DNAJC2: variants seen among roughly 807,000 people sequenced by gnomAD.
The protein encoded by DNAJC2 is dnaJ homolog subfamily C member 2.
Under a neutral mutation model 94.0 loss-of-function variants are expected in DNAJC2, and 32 were observed. The observed-to-expected ratio is 0.34, with a 90% CI of 0.26 to 0.46. DNAJC2 has a LOEUF of 0.46. Among genes scored for constraint, DNAJC2 ranks in the 20% least tolerant of loss-of-function variants. DNAJC2 has a pLI of 1.00. For missense variants in DNAJC2, 550 were observed against 719.5 expected, an observed-to-expected ratio of 0.76 and a Z score of 2.69; for synonymous variants, 210 against 229.7, an observed-to-expected ratio of 0.91 and a Z score of 0.77.
chr7:103,323,732 G>A, intron 6 of DNAJC2, 69 bp from the exon 7 acceptor site: 1 of 1,167,402 alleles, frequency 8.6e-7, no homozygotes, highest in Non-Finnish European at 1.1e-6. Context: ...TAATGCAAGT[G>A]AATGAATTTG....
In DNAJC2 at chr7:103,313,515, A is replaced by T. The variant is rs938841589; in HGVS notation, c.1637-414T>A. ...AGAATAGGTAAAAGAGCTTCCTCAC[A>T]GTTAAACTTTTGCTGGATAGAAACC... On this transcript the variant is annotated intron_variant, in intron 15 of 16. Coordinates refer to ENST00000379263, the MANE Select transcript of DNAJC2 (RefSeq NM_014377.3). The T allele has an allele frequency of 1.4e-5, 14 of 984,510 alleles. No homozygotes were observed. In the African/African-American group the frequency reaches 2.4e-4, roughly 17 times the overall value. 61.0% of individuals were successfully genotyped at this position (984,510 alleles called of 1,614,324 possible).
At chr7:103,330,927 A>G (rs1412319589) in intron 3 of DNAJC2, among the ~76,000 whole-genome samples, 1 of 151,324 alleles carries the variant, frequency 6.6e-6, no homozygotes, top group Non-Finnish European at 1.5e-5. Context: ...TATGGGGTGC[A>G]TGTGATTATT....
chr7:103,338,729 G>A (rs1377107590), intron 2 of DNAJC2, among the ~76,000 whole-genome samples: 1 of 150,834 alleles, frequency 6.6e-6, no homozygotes, highest in East Asian at 2.0e-4. Context: ...GGCTAACATG[G>A]TGAAACCCTG....
At chr7:103,313,988 G>T in intron 15 of DNAJC2, 1 of 985,292 alleles carries the variant, frequency 1.0e-6, no homozygotes, top group Non-Finnish European at 1.2e-6. Context: ...TAAAAGTTAA[G>T]CCTAGAAACC....
intron 13 of DNAJC2, 123 bp from the exon 14 acceptor site, chr7:103,316,211 G>C (rs553499497): frequency 1.7e-5 from 9 of 518,608 alleles, no homozygotes; most frequent in African/African-American, 9.8e-5. Flanking sequence ...TCAGATTGGT[G>C]GTCTAATTAT....
intron 5 of DNAJC2, 113 bp downstream of exon 5, chr7:103,326,429 CA>C (rs1818710650): frequency 4.8e-6 from 5 of 1,038,636 alleles, no homozygotes; most frequent in Admixed American, 2.3e-5. Context: ...GAGGAAGAGA[CA>C]GTGGAAATAA....
chr7:103,314,104 G>A (rs1817911546), intron 15 of DNAJC2: 2 of 985,342 alleles, frequency 2.0e-6, no homozygotes, highest in Non-Finnish European at 2.4e-6. Flanking sequence ...TGGTACCTAA[G>A]GTGCCTAAGA....
intron 1 of DNAJC2, 106 bp from the exon 2 acceptor site, chr7:103,342,060 A>C (rs1819392172): frequency 1.2e-6 from 1 of 841,768 alleles, no homozygotes; most frequent in African/African-American, 1.7e-5. Context: ...TGATACCAGC[A>C]TATACTTTTA....
At chr7:103,340,184 C>A (rs913628707) in intron 2 of DNAJC2, among the ~76,000 whole-genome samples, 3 of 152,102 alleles carry the variant, frequency 2.0e-5, no homozygotes, top group African/African-American at 7.3e-5. Flanking sequence ...GAATACGCTG[C>A]CTGATGTTTA....
In DNAJC2 at chr7:103,341,998, A is replaced by G. The variant is rs1819390810; in HGVS notation, c.65-44T>C. ...AGAGAGGCTTCAGTGTATCGCATGG[A>G]ATAAATATGTTTCAAGGCAATTAAT... On this transcript the variant is annotated intron_variant, in intron 1 of 16. Transcript: ENST00000379263. 3 of 1,383,040 alleles carry G rather than the reference A, an allele frequency of 2.2e-6. No individual in the cohort carries two copies. The South Asian group carries it at 5.2e-5, about 24-fold the overall frequency. 85.7% of individuals were successfully genotyped at this position (1,383,040 alleles called of 1,614,324 possible). A position where few individuals can be genotyped will look rare whatever the true frequency, so the allele number is the denominator to read the frequency against.
Position 103,317,011 on chromosome 7 carries a change from C to A in DNAJC2, c.1246G>T (p.Glu416Ter). The change falls in exon 13 of 17, where the codon GAA becomes TAA. Residue 416 changes from glutamate to a stop codon, truncating the protein, a stop_gained. Coordinates refer to ENST00000379263, the MANE Select transcript of DNAJC2 (RefSeq NM_014377.3). LOFTEE classifies it high-confidence loss of function. ...VGKAALEKQIEEINEQIRKEK... is the reference protein window; with the variant it reads ...VGKAALEKQI ...TTTCTGATTTGCTCATTTATTTCTT[C>A]TATCTGCACAAATATCATAAGTCAG... 1 of 1,612,390 alleles carries A rather than the reference C, an allele frequency of 6.2e-7. No individual in the cohort carries two copies. Among genetic ancestry groups the A allele is most frequent in the Non-Finnish European group, 8.5e-7 (1 of 1,179,544 alleles).
Position 103,323,618 on chromosome 7 carries a change from TTCTTCA to T in DNAJC2, c.693_698del (p.Asp231_Glu232del). The T allele has an allele frequency of 6.8e-7, 1 of 1,466,654 alleles. No individual in the cohort carries two copies. Among genetic ancestry groups the T allele is most frequent in the Non-Finnish European group, 9.3e-7 (1 of 1,078,700 alleles). 90.9% of individuals were successfully genotyped at this position (1,466,654 alleles called of 1,614,324 possible). On this transcript the variant is annotated inframe_deletion, in exon 7 of 17. Transcript: ENST00000379263. Reference sequence around the variant, plus strand: ...CATACCATTCTGCTTTTTCTTTTTCTTCTTCATCTAAATAAGAAAATTCTCTCCAAG... The same window carrying T: ...CATACCATTCTGCTTTTTCTTTTTCTTCTAAATAAGAAAATTCTCTCCAAG...
chr7:103,315,396 CTG>C (rs1455275980), intron 15 of DNAJC2, among the ~76,000 whole-genome samples: 1 of 152,120 alleles, frequency 6.6e-6, no homozygotes, highest in Non-Finnish European at 1.5e-5. Context: ...CTTAACACTT[CTG>C]TGTTTTTCCT....
In DNAJC2 at chr7:103,316,006, T is replaced by C. The variant is rs1818031774; in HGVS notation, c.1510A>G (p.Lys504Glu). Residue 504 changes from lysine to glutamate, a missense_variant, in exon 14 of 17, where the codon AAG (lysine) becomes GAG (glutamate). By Grantham distance (56) the Lys-to-Glu change is moderately conservative. Coordinates refer to ENST00000379263, the MANE Select transcript of DNAJC2 (RefSeq NM_014377.3). ...RTAKDVIGKA[K>E]SLQKLDPHQK... is the part of the protein sequence containing the mutation. The stretch of plus-strand genomic sequence containing the variant: ...AACTCACCAAGTTTTTGGAGACTCT[T>C]TGCTTTGCCAATAACATCTTTGGCA... The C allele has an allele frequency of 1.3e-6, 2 of 1,598,492 alleles. No homozygotes were observed. Among genetic ancestry groups the C allele is most frequent in the African/African-American group, 1.3e-5 (1 of 74,112 alleles).
rs1022617132 is a variant in DNAJC2, at chr7:103,322,434, A to G, written c.933+77T>C. The G allele has an allele frequency of 2.3e-5, 30 of 1,311,700 alleles. No individual in the cohort carries two copies. The African/African-American group carries it at 3.5e-4, about 15-fold the overall frequency. 81.3% of individuals were successfully genotyped at this position (1,311,700 alleles called of 1,614,324 possible). On this transcript the variant is annotated intron_variant, in intron 9 of 16. Transcript: ENST00000379263. Reference sequence around the variant, plus strand: ...CTTTCGAATTATAGTTTTTTTTAAAAAAAGATGTGAAGATTAAAGTGAAGA... The same window carrying G: ...CTTTCGAATTATAGTTTTTTTTAAAGAAAGATGTGAAGATTAAAGTGAAGA...
intron 3 of DNAJC2, 123 bp from the exon 4 acceptor site, chr7:103,327,877 T>C (rs993120081): frequency 1.4e-5 from 8 of 586,554 alleles, no homozygotes; most frequent in African/African-American, 1.3e-4. Context: ...CACAGTAAAA[T>C]ATATGCTTAT....
Position 103,324,468 on chromosome 7 carries a change from G to A in DNAJC2, c.653+14C>T. 6.8e-7 allele frequency: 1 copy of A among 1,476,564 alleles called. No individual in the cohort carries two copies. Among genetic ancestry groups the A allele is most frequent in the Non-Finnish European group, 9.1e-7 (1 of 1,096,580 alleles). 91.5% of individuals were successfully genotyped at this position (1,476,564 alleles called of 1,614,324 possible). A position where few individuals can be genotyped will look rare whatever the true frequency, so the allele number is the denominator to read the frequency against. On this transcript the variant is annotated intron_variant, in intron 6 of 16. Transcript: ENST00000379263. ...AAAAAATGACAGCATCATACAAACA[G>A]TATATTCACTTACCAGAAAGAATAA...
intron 3 of DNAJC2, among the ~76,000 whole-genome samples, chr7:103,328,105 A>G (rs1818803338): frequency 6.6e-6 from 1 of 151,816 alleles, no homozygotes; most frequent in East Asian, 2.0e-4. Context: ...TATTTTTAGT[A>G]GAAACAAGGT....
chr7:103,344,735 A>G lies in DNAJC2; in HGVS notation c.-113T>C, dbSNP rs1819539955. 2 of 1,090,264 alleles carry G rather than the reference A, an allele frequency of 1.8e-6. No individual in the cohort carries two copies. Among genetic ancestry groups the G allele is most frequent in the Admixed American group, 2.0e-5 (1 of 50,866 alleles). The allele number at this position is 1,090,264 out of a possible 1,614,324, so 67.5% of individuals were successfully genotyped here. ...CCGAGCCTCGCGCCTTGGCTCTAAG[A>G]CGCCCAGGAACCGGCGCATGGAGAC... On this transcript the variant is annotated 5_prime_UTR_variant, in exon 1 of 17. Coordinates refer to ENST00000379263, the MANE Select transcript of DNAJC2 (RefSeq NM_014377.3).
Sources: allele counts gnomAD v4.1 joint callset (sites outside exome capture counted in the v4.1 genomes callset), GRCh38; gene constraint gnomAD v4.1.1; transcripts MANE v1.5; gene names NCBI Gene and HGNC (gene_info 2026-07-23, HGNC 2026-07-21).